Variants in TASP1 observed in about 807,000 individuals in gnomAD.
TASP1 encodes the protein threonine aspartase 1.
Under a neutral mutation model 56.6 loss-of-function variants are expected in TASP1, and 16 were observed. The ratio of observed to expected loss-of-function variants is 0.28; its 90% CI spans 0.19 to 0.43. The LOEUF (loss-of-function observed/expected upper bound fraction) is 0.43, where lower values mean the gene tolerates loss of function less well. TASP1 is among the 20% of genes least tolerant of loss of function. The pLI, the probability that TASP1 is intolerant of heterozygous loss-of-function variation, is 1.00. For synonymous variants in TASP1, 179 were observed against 184.2 expected, an observed-to-expected ratio of 0.97 and a Z score of 0.23; for missense variants, 393 against 511.6, an observed-to-expected ratio of 0.77 and a Z score of 2.24.
At chr20:13,466,913 T>C (rs915399688) in intron 11 of TASP1, among the ~76,000 whole-genome samples, 3 of 152,158 alleles carry the variant, frequency 2.0e-5, no homozygotes, top group Non-Finnish European at 4.4e-5. Flanking sequence ...ATTGTATCAA[T>C]GGTAACTTTG....
At chr20:13,385,879 T>C (rs979667345), downstream of TASP1, among the ~76,000 whole-genome samples, 1 of 152,220 alleles carries the variant, frequency 6.6e-6, no homozygotes, top group Admixed American at 6.5e-5. Flanking sequence ...GCTGATTCCC[T>C]GGCACTTGTG....
chr20:13,202,524 C>G, the TASP1 span, among the ~76,000 whole-genome samples: 1 of 152,196 alleles, frequency 6.6e-6, no homozygotes, highest in South Asian at 2.1e-4. Flanking sequence ...CTATGTCCAT[C>G]TTTAGCACAC....
the TASP1 span, among the ~76,000 whole-genome samples, chr20:13,131,414 G>T: frequency 6.6e-6 from 1 of 152,112 alleles, no homozygotes; most frequent in Non-Finnish European, 1.5e-5. Context: ...GCAAATTAAA[G>T]GTTGTCAGAA....
At chr20:13,288,790 T>TA in the TASP1 span, 2 of 1,178,432 alleles carry the variant, frequency 1.7e-6, no homozygotes, top group Non-Finnish European at 2.4e-6. Flanking sequence ...ACTTTTCTTT[T>TA]CTTTTTTTTT....
At position 13,539,743 on chromosome 20, in the gene TASP1, C is replaced by A. The variant is rs117696897; in HGVS notation, c.676-5602G>T. 5.1e-3 allele frequency among the ~76,000 whole-genome samples: 775 copies of A among 152,260 alleles called. 4 individuals carry two copies. Among genetic ancestry groups the A allele is most frequent in the East Asian group, 0.012 (60 of 5,192 alleles). ...AAAAAGATTACTTAAAAATTCCAAA[C>A]CCTCAAAGATAGCAAAGGACGATGT... On this transcript the variant is annotated intron_variant, in intron 8 of 13. Transcript: ENST00000337743.
chr20:13,185,760 C>T, the TASP1 span, among the ~76,000 whole-genome samples: 1 of 152,092 alleles, frequency 6.6e-6, no homozygotes, highest in South Asian at 2.1e-4. Context: ...AACAACATTG[C>T]AAAGTAACTA....
In TASP1 at chr20:13,394,307, CAA is replaced by C. The variant is rs57418361; in HGVS notation, c.1171-3857_1171-3856del. ...GCCACTGCACTACAGCACTCCCTCT[CAA>C]AAAAAAAAAAAAAAAAAAAGGCCTG... On this transcript the variant is annotated intron_variant, in intron 13 of 13. Coordinates refer to ENST00000337743, the MANE Select transcript of TASP1 (RefSeq NM_017714.3). Among the ~76,000 whole-genome samples the C allele has an allele frequency of 2.2e-3, 93 of 42,930 alleles. 1 individual carries two copies. Among genetic ancestry groups the C allele is most frequent in the African/African-American group, 3.4e-3 (37 of 10,876 alleles). 28.2% of individuals were successfully genotyped at this position (42,930 alleles called of 152,430 possible).
At chr20:13,568,123 T>G (rs1237157013) in intron 7 of TASP1, among the ~76,000 whole-genome samples, 1 of 152,154 alleles carries the variant, frequency 6.6e-6, no homozygotes, top group Non-Finnish European at 1.5e-5. Context: ...ATTACAACTT[T>G]CAGCATTACA....
intron 10 of TASP1, among the ~76,000 whole-genome samples, chr20:13,488,644 CT>C (rs774574437): frequency 9.9e-5 from 15 of 152,152 alleles, no homozygotes; most frequent in Admixed American, 2.6e-4. Context: ...GATATCTTGG[CT>C]TTTGCTATTC....
At chr20:13,186,960 A>G in the TASP1 span, among the ~76,000 whole-genome samples, 1 of 152,340 alleles carries the variant, frequency 6.6e-6, no homozygotes, top group African/African-American at 2.4e-5. Context: ...ACTCTGAAAA[A>G]TGTGTTAAAG....
At chr20:13,289,837 A>G in the TASP1 span, among the ~76,000 whole-genome samples, 3 of 152,190 alleles carry the variant, frequency 2.0e-5, no homozygotes, top group Admixed American at 6.5e-5. Context: ...GCCTAAAATA[A>G]TATCTTAGAG....
chr20:13,453,893 C>T (rs966068580), intron 11 of TASP1, among the ~76,000 whole-genome samples: 1 of 151,950 alleles, frequency 6.6e-6, no homozygotes, highest in East Asian at 1.9e-4. Flanking sequence ...AGGAACCCAC[C>T]ACTGCATGGT....
At chr20:13,313,336 T>A in the TASP1 span, among the ~76,000 whole-genome samples, 1 of 152,234 alleles carries the variant, frequency 6.6e-6, no homozygotes, top group East Asian at 1.9e-4. Flanking sequence ...TAGTGAAGTG[T>A]AACCTAACTG....
At chr20:13,271,768 C>T in the TASP1 span, among the ~76,000 whole-genome samples, 8 of 152,176 alleles carry the variant, frequency 5.3e-5, no homozygotes, top group African/African-American at 1.7e-4. Flanking sequence ...CTCTCGTCCT[C>T]ATATGCCTGC....
At chr20:13,485,174 A>G (rs893905787) in intron 10 of TASP1, among the ~76,000 whole-genome samples, 1 of 152,218 alleles carries the variant, frequency 6.6e-6, no homozygotes, top group Non-Finnish European at 1.5e-5. Flanking sequence ...AGGACCTTCA[A>G]GGAAAAAAAT....
chr20:13,266,955 G>C, the TASP1 span, among the ~76,000 whole-genome samples: 2 of 152,174 alleles, frequency 1.3e-5, no homozygotes, highest in Non-Finnish European at 2.9e-5. Context: ...AAGTCCCTTT[G>C]AGAAGAGATA....
At chr20:13,519,305 C>T (rs1195192116) in intron 10 of TASP1, among the ~76,000 whole-genome samples, 3 of 151,934 alleles carry the variant, frequency 2.0e-5, no homozygotes, top group Non-Finnish European at 4.4e-5. Flanking sequence ...AACAAACCTG[C>T]AAATGTACCC....
At chr20:13,384,815 C>T (rs1019772132), downstream of TASP1, among the ~76,000 whole-genome samples, 11 of 152,168 alleles carry the variant, frequency 7.2e-5, no homozygotes, top group African/African-American at 2.7e-4. Flanking sequence ...TAATCATATA[C>T]ACAGGGATTC....
the TASP1 span, among the ~76,000 whole-genome samples, chr20:13,356,012 C>T: frequency 1.3e-5 from 2 of 152,194 alleles, no homozygotes. Flanking sequence ...CAGCTCATTA[C>T]AGTCATCTGC....
Sources: allele counts gnomAD v4.1 joint callset (sites outside exome capture counted in the v4.1 genomes callset), GRCh38; gene constraint gnomAD v4.1.1; transcripts MANE v1.5; gene names NCBI Gene and HGNC (gene_info 2026-07-23, HGNC 2026-07-21).